The following FBLN1 variants were observed in gnomAD, a reference collection of about 807,000 sequenced individuals.
FBLN1 encodes fibulin-1.
Under a neutral mutation model 89.7 loss-of-function variants are expected in FBLN1, and 34 were observed. The observed-to-expected ratio is 0.38, with a 90% CI of 0.29 to 0.50. The LOEUF (loss-of-function observed/expected upper bound fraction) is 0.50. FBLN1 is among the 20% of genes least tolerant of loss of function. The pLI, the probability that FBLN1 is intolerant of heterozygous loss-of-function variation, is 0.92. For missense variants in FBLN1, 777 were observed against 988.1 expected, an observed-to-expected ratio of 0.79 and a Z score of 2.86; for synonymous variants, 393 against 391.3, an observed-to-expected ratio of 1.00 and a Z score of -0.05.
rs1041661570 is a variant in FBLN1, at chr22:45,597,898, G to A, written c.1973-2409G>A. Reference sequence around the variant, plus strand: ...CATAAGCCCAGAGAGCGAAAGGGGGGAACGTTGTGCCCAGATTCTCTTTCT... The same window carrying A: ...CATAAGCCCAGAGAGCGAAAGGGGGAAACGTTGTGCCCAGATTCTCTTTCT... On this transcript the variant is annotated intron_variant, in intron 16 of 16. Coordinates refer to ENST00000327858, the MANE Select transcript of FBLN1 (RefSeq NM_006486.3). The surrounding 1 kb of genome is among the most constrained non-coding windows in gnomAD (Gnocchi z 4.2). Among the ~76,000 whole-genome samples the A allele has an allele frequency of 9.2e-5, 14 of 152,142 alleles. No individual in the cohort carries two copies. Among genetic ancestry groups the A allele is most frequent in the South Asian group, 6.2e-4 (3 of 4,826 alleles).
intron 7 of FBLN1, among the ~76,000 whole-genome samples, chr22:45,534,512 A>G (rs2088457982): frequency 6.6e-6 from 1 of 152,184 alleles, no homozygotes; most frequent in South Asian, 2.1e-4. Context: ...CGTTTAGAAC[A>G]CAGTTTTGCA....
intron 8 of FBLN1, among the ~76,000 whole-genome samples, chr22:45,539,194 C>T (rs2088522436): frequency 8.1e-6 from 1 of 123,622 alleles, no homozygotes; most frequent in Non-Finnish European, 1.7e-5. Context: ...CCTTTCCCTC[C>T]TTCTTTTCTT....
intron 14 of FBLN1, among the ~76,000 whole-genome samples, chr22:45,568,181 C>T (rs1235561507): frequency 1.3e-5 from 2 of 152,240 alleles, no homozygotes; most frequent in Non-Finnish European, 2.9e-5. Flanking sequence ...GAATGATACT[C>T]TTTCTCAAAT....
At chr22:45,558,105 G>A (rs1471272924) in intron 14 of FBLN1, 1 of 716,788 alleles carries the variant, frequency 1.4e-6, no homozygotes, top group Non-Finnish European at 2.6e-6. Context: ...GGCCATCGGT[G>A]CAGGCTGGAG....
rs10714602 is a variant in FBLN1, at chr22:45,588,813, CAA to C, written c.1973-11480_1973-11479del. On this transcript the variant is annotated intron_variant, in intron 16 of 16. Coordinates refer to ENST00000327858, the MANE Select transcript of FBLN1 (RefSeq NM_006486.3). The surrounding 1 kb of genome is among the most constrained non-coding windows in gnomAD (Gnocchi z 5.1). Reference sequence around the variant, plus strand: ...GTAGAGGCATGTTGTGCAAAATTAGCAAAAAAAAAAAAAAAGGAATGACGATG... The same window carrying C: ...GTAGAGGCATGTTGTGCAAAATTAGCAAAAAAAAAAAAAGGAATGACGATG... Among the ~76,000 whole-genome samples, 83 of 138,744 alleles carry C rather than the reference CAA, an allele frequency of 6.0e-4. No homozygotes were observed. The highest frequency in any genetic ancestry group is 1.2e-3 in the East Asian group (6 of 4,842). The allele number at this position is 138,744 out of a possible 152,430, so 91.0% of individuals were successfully genotyped here. A position where few individuals can be genotyped will look rare whatever the true frequency, so the allele number is the denominator to read the frequency against.
At chr22:45,547,021 G>T in intron 11 of FBLN1, 64 bp from the exon 12 acceptor site, 1 of 1,611,752 alleles carries the variant, frequency 6.2e-7, no homozygotes. Context: ...CACTGACCCT[G>T]AGGGCTACTG....
At chr22:45,529,510 C>T (rs1213765834) in intron 4 of FBLN1, among the ~76,000 whole-genome samples, 1 of 152,172 alleles carries the variant, frequency 6.6e-6, no homozygotes, top group Non-Finnish European at 1.5e-5. Context: ...GCCAAGCTTG[C>T]TGTGTAGTTT....
Position 45,577,566 on chromosome 22 carries a change from C to T in FBLN1, c.1972+458C>T, listed in dbSNP as rs1184319331. On this transcript the variant is annotated intron_variant, in intron 16 of 16. Transcript: ENST00000327858. This position sits in a 1 kb window ranked among gnomAD's most constrained non-coding sequence, Gnocchi z 6.6. The stretch of plus-strand genomic sequence containing the variant: ...GAGGGCCTGAGCTCTGGTCTCTCAG[C>T]CTTGGAACTAGCTGGATTCGCCATG... Among the ~76,000 whole-genome samples, 1 of 152,232 alleles carries T rather than the reference C, an allele frequency of 6.6e-6. No individual in the cohort carries two copies. The highest frequency in any genetic ancestry group is 2.4e-5 in the African/African-American group (1 of 41,462).
chr22:45,510,297 C>T (rs1377707059), intron 1 of FBLN1, among the ~76,000 whole-genome samples: 2 of 152,146 alleles, frequency 1.3e-5, no homozygotes, highest in East Asian at 1.9e-4. Flanking sequence ...TCCTGCTTTG[C>T]TTTCACCCTA....
intron 14 of FBLN1, chr22:45,558,169 C>T (rs1455624915): frequency 7.1e-6 from 5 of 707,372 alleles, no homozygotes; most frequent in Admixed American, 6.1e-5. Context: ...GCCACTTCCT[C>T]ATGTAACTTA....
intron 2 of FBLN1, 108 bp from the exon 3 acceptor site, chr22:45,525,435 G>GA: frequency 1.0e-6 from 1 of 971,078 alleles, no homozygotes; most frequent in Non-Finnish European, 1.6e-6. Context: ...GTGTCTGTGG[G>GA]AGCAGGGAAG....
At chr22:45,516,766 G>T in intron 1 of FBLN1, among the ~76,000 whole-genome samples, 1 of 152,240 alleles carries the variant, frequency 6.6e-6, no homozygotes, top group East Asian at 1.9e-4. Flanking sequence ...GGGGAGCCGG[G>T]TGAGAGTCAG....
chr22:45,554,160 G>A (rs1252209863), intron 14 of FBLN1, among the ~76,000 whole-genome samples: 4 of 152,240 alleles, frequency 2.6e-5, no homozygotes, highest in African/African-American at 9.6e-5. Flanking sequence ...AGGACGATGG[G>A]AGACAGTGGA....
intron 16 of FBLN1, among the ~76,000 whole-genome samples, chr22:45,592,691 C>T (rs763100): frequency 1.3e-5 from 2 of 152,010 alleles, no homozygotes; most frequent in Non-Finnish European, 2.9e-5. Flanking sequence ...CCTGCAGGAA[C>T]TGTGGAGCCT....
At chr22:45,515,159 G>GCC (rs1453926032) in intron 1 of FBLN1, among the ~76,000 whole-genome samples, 1 of 152,210 alleles carries the variant, frequency 6.6e-6, no homozygotes, top group African/African-American at 2.4e-5. Context: ...TCAGGGCCCG[G>GCC]CAATTGATTG....
rs1391656477 is a variant in FBLN1, at chr22:45,550,966, C to T, written c.1697+351C>T. 4 of 383,024 alleles carry T rather than the reference C, an allele frequency of 1.0e-5. No individual in the cohort carries two copies. The highest frequency in any genetic ancestry group is 4.2e-5 in the African/African-American group (2 of 48,154). The allele number at this position is 383,024 out of a possible 1,614,324, so 23.7% of individuals were successfully genotyped here. A position where few individuals can be genotyped will look rare whatever the true frequency, so the allele number is the denominator to read the frequency against. ...CATCTGTAACATGCAGATGTCAGAA[C>T]GTGCTCTGACTGAGATGCATAGGTA... On this transcript the variant is annotated intron_variant, in intron 14 of 16. Coordinates refer to ENST00000327858, the MANE Select transcript of FBLN1 (RefSeq NM_006486.3). The surrounding 1 kb of genome is among the most constrained non-coding windows in gnomAD (Gnocchi z 8.4).
rs1469129517 is a variant in FBLN1 at position 45,583,144 on chromosome 22, C to T, written c.1972+6036C>T. Among the ~76,000 whole-genome samples the T allele has an allele frequency of 1.3e-5, 2 of 152,184 alleles. No individual in the cohort carries two copies. Among genetic ancestry groups the T allele is most frequent in the Admixed American group, 6.5e-5 (1 of 15,282 alleles). On this transcript the variant is annotated intron_variant, in intron 16 of 16. Coordinates refer to ENST00000327858, the MANE Select transcript of FBLN1 (RefSeq NM_006486.3). This position sits in a 1 kb window ranked among gnomAD's most constrained non-coding sequence, Gnocchi z 4.5. ...TGTAAGAAAAAAAAGGAAGTGCTGG[C>T]CCAGGGTCCCACAGCCAGCAAGTTG... is the stretch of plus-strand genomic sequence containing the variant.
At chr22:45,559,702 C>T (rs998476243) in intron 14 of FBLN1, among the ~76,000 whole-genome samples, 7 of 152,208 alleles carry the variant, frequency 4.6e-5, no homozygotes, top group East Asian at 3.8e-4. Context: ...GCCACAATGA[C>T]GTTTTGGGTC....
intron 9 of FBLN1, among the ~76,000 whole-genome samples, chr22:45,541,873 C>T (rs2088560639): frequency 6.6e-6 from 1 of 152,248 alleles, no homozygotes; most frequent in Non-Finnish European, 1.5e-5. Context: ...GCCTTCCTCG[C>T]ATAACCCCCA....
Sources: gnomAD v4.1 joint callset for allele counts (sites outside exome capture counted in the v4.1 genomes callset) on GRCh38, gnomAD v4.1.1 for gene constraint, Gnocchi (gnomAD v3.1) non-coding constraint, MANE v1.5 for transcripts, NCBI Gene and HGNC (gene_info 2026-07-23, HGNC 2026-07-21) for gene names.